Variants in TERF1 observed in about 807,000 individuals in gnomAD.
TERF1 encodes the protein telomeric repeat binding factor 1.
TERF1 carries 20 observed loss-of-function variants against 55.1 expected under a neutral mutation model. The ratio of observed to expected loss-of-function variants is 0.36; its 90% CI spans 0.26 to 0.53. TERF1 has a LOEUF of 0.53. TERF1 is among the 20% of genes least tolerant of loss of function. TERF1 has a pLI of 0.91. For synonymous variants in TERF1, 168 were observed against 181.2 expected (o/e 0.93, Z 0.59); for missense variants, 439 against 535.7 (o/e 0.82, Z 1.78).
intron 8 of TERF1, among the ~76,000 whole-genome samples, chr8:73,033,523 A>G (rs1809381078): frequency 6.6e-6 from 1 of 152,194 alleles, no homozygotes; most frequent in Admixed American, 6.5e-5. Flanking sequence ...TGAAGAGCTC[A>G]GGAGTTTGAG....
rs1810023247 is a variant in TERF1 at position 73,046,154 on chromosome 8, T to G, written c.*17T>G. On this transcript the variant is annotated 3_prime_UTR_variant, in exon 10 of 10. Coordinates refer to ENST00000276603, the MANE Select transcript of TERF1 (RefSeq NM_017489.3). ...GAAGACTGATTGTGTTTGTAAAAGC[T>G]TGATGAAAGGACAGTTAAGTATTTT... 1 of 1,543,224 alleles carries G rather than the reference T, an allele frequency of 6.5e-7. No homozygotes were observed. The highest frequency in any genetic ancestry group is 1.4e-5 in the African/African-American group (1 of 71,504).
At chr8:73,044,350 CAG>C (rs1166352234) in intron 9 of TERF1, among the ~76,000 whole-genome samples, 1 of 152,156 alleles carries the variant, frequency 6.6e-6, no homozygotes, top group Non-Finnish European at 1.5e-5. Flanking sequence ...ATAGCAAGAA[CAG>C]GGGATCAGGT....
intron 5 of TERF1, 63 bp downstream of exon 5, chr8:73,025,034 A>G: frequency 3.0e-6 from 3 of 994,036 alleles, no homozygotes; most frequent in Non-Finnish European, 4.2e-6. Flanking sequence ...ATAAAGGAGA[A>G]TACTTGAAAT....
chr8:73,022,792 T>C (rs989406993), intron 4 of TERF1, among the ~76,000 whole-genome samples: 1 of 151,734 alleles, frequency 6.6e-6, no homozygotes, highest in African/African-American at 2.4e-5. Flanking sequence ...TACAAAAAAA[T>C]TAAAAATTAG....
intron 9 of TERF1, among the ~76,000 whole-genome samples, chr8:73,043,777 T>A (rs1052842508): frequency 1.3e-5 from 2 of 152,186 alleles, no homozygotes; most frequent in Non-Finnish European, 2.9e-5. Context: ...TCTGTGCACC[T>A]TATTAAAAAT....
chr8:73,033,058 A>C lies in TERF1; in HGVS notation c.1039+925A>C, dbSNP rs867402798. On this transcript the variant is annotated intron_variant, in intron 8 of 9. Coordinates refer to ENST00000276603, the MANE Select transcript of TERF1 (RefSeq NM_017489.3). ...TTTTAATATGGATCTAAACCTAAAT[A>C]CTTATTGATAAAAATAATAGACATA... 1.2e-4 allele frequency among the ~76,000 whole-genome samples: 16 copies of C among 137,580 alleles called. No individual in the cohort carries two copies. The South Asian group carries it at 1.4e-3, about 12-fold the overall frequency. The allele number at this position is 137,580 out of a possible 152,430, so 90.3% of individuals were successfully genotyped here.
chr8:73,027,367 C>T (rs1809056678), intron 6 of TERF1, among the ~76,000 whole-genome samples: 5 of 152,128 alleles, frequency 3.3e-5, no homozygotes, highest in African/African-American at 1.2e-4. Flanking sequence ...TACATGTTCT[C>T]ATTATGTGAT....
At chr8:73,034,394 A>G (rs1335782128) in intron 8 of TERF1, among the ~76,000 whole-genome samples, 1 of 151,952 alleles carries the variant, frequency 6.6e-6, no homozygotes, top group Non-Finnish European at 1.5e-5. Flanking sequence ...GGCCTCCCCA[A>G]AGTGCTGGGA....
chr8:73,026,303 G>C (rs1808995004), intron 5 of TERF1, among the ~76,000 whole-genome samples: 1 of 152,052 alleles, frequency 6.6e-6, no homozygotes, highest in Non-Finnish European at 1.5e-5. Flanking sequence ...TTTGAGACCA[G>C]CCTGGGCAAC....
intron 9 of TERF1, chr8:73,043,035 A>G (rs1470264973): frequency 6.6e-6 from 1 of 152,200 alleles, no homozygotes; most frequent in African/African-American, 2.4e-5. Flanking sequence ...TTTTAAGCAC[A>G]ATAGTAGACT....
chr8:73,022,362 TGAAA>T, intron 4 of TERF1, 60 bp downstream of exon 4: 1 of 1,032,182 alleles, frequency 9.7e-7, no homozygotes, highest in South Asian at 1.6e-5. Flanking sequence ...TGAGGAAAAC[TGAAA>T]GAAAATTGGA....
chr8:73,022,085 A>C, intron 3 of TERF1, 131 bp from the exon 4 acceptor site: 3 of 542,676 alleles, frequency 5.5e-6, no homozygotes, highest in Non-Finnish European at 9.7e-6. Flanking sequence ...TCTTTTATCA[A>C]ATTAAAATTA....
chr8:73,028,316 C>T (rs890789057), intron 6 of TERF1, among the ~76,000 whole-genome samples: 3 of 152,080 alleles, frequency 2.0e-5, no homozygotes, highest in African/African-American at 7.2e-5. Context: ...CTCTCTACAC[C>T]CTGCCTCTCT....
intron 9 of TERF1, among the ~76,000 whole-genome samples, chr8:73,044,308 C>T (rs1809948064): frequency 6.6e-6 from 1 of 152,132 alleles, no homozygotes; most frequent in African/African-American, 2.4e-5. Context: ...AGACCAGGTT[C>T]GTATCTTGGA....
rs1269667676 is a variant in TERF1, at chr8:73,030,318, T to C, written c.888-18T>C. ...TTTCTTTTGTTTACATTCTTACAAA[T>C]TTTTTCTTCTTTTAAAGTGTTAGTG... On this transcript the variant is annotated intron_variant, in intron 6 of 9. Transcript: ENST00000276603. 2.6e-6 allele frequency: 4 copies of C among 1,527,830 alleles called. No homozygotes were observed. Among genetic ancestry groups the C allele is most frequent in the Non-Finnish European group, 1.8e-6 (2 of 1,140,692 alleles). The allele number at this position is 1,527,830 out of a possible 1,614,324, so 94.6% of individuals were successfully genotyped here. A position where few individuals can be genotyped will look rare whatever the true frequency, so the allele number is the denominator to read the frequency against.
chr8:73,030,276 A>G, intron 6 of TERF1, 60 bp from the exon 7 acceptor site: 1 of 1,090,004 alleles, frequency 9.2e-7, no homozygotes, highest in Non-Finnish European at 1.3e-6. Context: ...TGTGGAAAGT[A>G]CTATCCTTAT....
chr8:73,010,877 T>C (rs1472952127), intron 1 of TERF1: 1 of 152,230 alleles, frequency 6.6e-6, no homozygotes, highest in Non-Finnish European at 1.5e-5. Flanking sequence ...TTTCCTTGTA[T>C]GTACGTCTCC....
intron 8 of TERF1, among the ~76,000 whole-genome samples, chr8:73,037,938 A>G (rs1187597279): frequency 7.6e-6 from 1 of 131,250 alleles, no homozygotes; most frequent in Non-Finnish European, 1.5e-5. Context: ...TAAATATTAT[A>G]TATATATAAA....
intron 5 of TERF1, among the ~76,000 whole-genome samples, 153 bp from the exon 6 acceptor site, chr8:73,026,787 G>A (rs745581065): frequency 7.9e-5 from 12 of 152,076 alleles, no homozygotes; most frequent in Non-Finnish European, 1.6e-4. Flanking sequence ...ATAATTATTG[G>A]TGAAAATAAC....
Sources: gnomAD v4.1 joint callset for allele counts (sites outside exome capture counted in the v4.1 genomes callset) on GRCh38, gnomAD v4.1.1 for gene constraint, MANE v1.5 for transcripts, NCBI Gene and HGNC (gene_info 2026-07-23, HGNC 2026-07-21) for gene names.